RTF1: variants seen among roughly 807,000 people sequenced by gnomAD.
RTF1 encodes the protein RNA polymerase-associated protein RTF1 homolog.
A neutral mutation model predicts 95.7 loss-of-function variants in RTF1; 10 were observed. The observed-to-expected ratio is 0.10, with a 90% CI of 0.06 to 0.18. The LOEUF (loss-of-function observed/expected upper bound fraction) is 0.18, where lower values mean the gene tolerates loss of function less well. Among genes scored for constraint, RTF1 ranks in the 10% least tolerant of loss-of-function variants. The pLI is 1.00. For missense variants in RTF1, 458 were observed against 875.6 expected (o/e 0.52, Z 6.02); for synonymous variants, 305 against 311.8 (o/e 0.98, Z 0.23).
intron 4 of RTF1, among the ~76,000 whole-genome samples, chr15:41,460,801 C>T (rs943907883): frequency 6.6e-6 from 1 of 151,956 alleles, no homozygotes; most frequent in African/African-American, 2.4e-5. Flanking sequence ...TCAAGCCAGC[C>T]TCCCACCTCA....
intron 16 of RTF1, 26 bp from the exon 17 acceptor site, chr15:41,480,188 C>T (rs1306098972): frequency 7.0e-7 from 1 of 1,422,146 alleles, no homozygotes; most frequent in South Asian, 1.1e-5. Flanking sequence ...ATGCTCTTAC[C>T]ATTAGCTTTC....
chr15:41,446,994 G>C (rs1176122383), intron 2 of RTF1, among the ~76,000 whole-genome samples: 2 of 151,940 alleles, frequency 1.3e-5, no homozygotes, highest in African/African-American at 4.8e-5. Flanking sequence ...GTAGAGTCAG[G>C]GTTTCACCAT....
intron 1 of RTF1, among the ~76,000 whole-genome samples, chr15:41,423,100 T>C (rs1339133757): frequency 2.0e-5 from 3 of 152,098 alleles, no homozygotes; most frequent in African/African-American, 7.2e-5. Context: ...TAGGAGCTGT[T>C]TTTAGATACT....
chr15:41,470,794 G>A (rs1340610791), intron 7 of RTF1, among the ~76,000 whole-genome samples: 6 of 151,292 alleles, frequency 4.0e-5, no homozygotes, highest in Admixed American at 2.0e-4. Flanking sequence ...AAGTAGCTGG[G>A]ACTATAGGCG....
chr15:41,453,102 A>T (rs1203143709), intron 3 of RTF1, 54 bp downstream of exon 3: 5 of 1,463,170 alleles, frequency 3.4e-6, no homozygotes, highest in Non-Finnish European at 4.5e-6. Context: ...GTCAGCTTGA[A>T]GGTGCAAAGG....
At chr15:41,440,148 G>C (rs2050725164) in intron 2 of RTF1, 1 of 151,596 alleles carries the variant, frequency 6.6e-6, no homozygotes, top group Non-Finnish European at 1.5e-5. Context: ...GTGCATATTG[G>C]AGTGATTGCC....
chr15:41,426,488 G>C (rs776113122), intron 1 of RTF1, among the ~76,000 whole-genome samples: 8 of 151,696 alleles, frequency 5.3e-5, no homozygotes, highest in Non-Finnish European at 1.0e-4. Flanking sequence ...TGTATTTTTA[G>C]TAGAGACAGG....
chr15:41,431,701 A>G (rs766205787), intron 1 of RTF1, among the ~76,000 whole-genome samples: 13 of 151,606 alleles, frequency 8.6e-5, no homozygotes, highest in Non-Finnish European at 1.9e-4. Context: ...GTTTCACCAC[A>G]TTGCCCAGAC....
chr15:41,419,225 A>G (rs2050588462), intron 1 of RTF1, among the ~76,000 whole-genome samples: 1 of 152,214 alleles, frequency 6.6e-6, no homozygotes, highest in African/African-American at 2.4e-5. Flanking sequence ...CTGTCTTTTC[A>G]TCTACAAATG....
chr15:41,467,446 G>C (rs2050886125), intron 6 of RTF1, among the ~76,000 whole-genome samples: 2 of 152,178 alleles, frequency 1.3e-5, no homozygotes, highest in Admixed American at 6.5e-5. Flanking sequence ...CGGTCGTGGT[G>C]CCTCACAATT....
In RTF1 at chr15:41,481,151, G is replaced by A. The variant is rs71472485; in HGVS notation, c.*464G>A. 424 of 149,590 alleles carry A rather than the reference G, an allele frequency of 2.8e-3. 4 individuals are homozygous for A. The highest frequency in any genetic ancestry group is 3.7e-3 in the Admixed American group (55 of 14,834). 9.3% of individuals were successfully genotyped at this position (149,590 alleles called of 1,614,324 possible). Reference sequence around the variant, plus strand: ...GGGGGAGCGGGGATTGGGCACCTGCGATCCTCTTTCCTCTCTTCATCTTTC... The same window carrying A: ...GGGGGAGCGGGGATTGGGCACCTGCAATCCTCTTTCCTCTCTTCATCTTTC... On this transcript the variant is annotated 3_prime_UTR_variant, in exon 18 of 18. Coordinates refer to ENST00000389629, the MANE Select transcript of RTF1 (RefSeq NM_015138.5).
intron 11 of RTF1, among the ~76,000 whole-genome samples, chr15:41,476,071 AAG>A (rs2140656192): frequency 6.6e-6 from 1 of 152,320 alleles, no homozygotes; most frequent in Non-Finnish European, 1.5e-5. Flanking sequence ...ACATACACTA[AAG>A]TGTATTTAGG....
Position 41,457,663 on chromosome 15 carries a change from T to G in RTF1, c.458-9T>G. The G allele has an allele frequency of 6.2e-7, 1 of 1,613,978 alleles. No homozygotes were observed. Among genetic ancestry groups the G allele is most frequent in the South Asian group, 1.1e-5 (1 of 91,074 alleles). On this transcript the variant is annotated splice_polypyrimidine_tract_variant and intron_variant, in intron 3 of 17. Coordinates refer to ENST00000389629, the MANE Select transcript of RTF1 (RefSeq NM_015138.5). The stretch of plus-strand genomic sequence containing the variant: ...ATAGTGTAATCTTGTGTTTGGGCCT[T>G]TGTTGCAGGTGAAGTGTCAGACTCT...
intron 7 of RTF1, among the ~76,000 whole-genome samples, chr15:41,470,780 T>G (rs900919163): frequency 6.9e-6 from 1 of 144,352 alleles, no homozygotes; most frequent in Admixed American, 7.2e-5. Context: ...TGCCTCAGCC[T>G]CCCAAGTAGC....
chr15:41,457,631 C>G (rs779060821), intron 3 of RTF1, 41 bp from the exon 4 acceptor site: 7 of 1,589,702 alleles, frequency 4.4e-6, no homozygotes, highest in Non-Finnish European at 6.0e-6. Context: ...GGCCTGTCTT[C>G]TGTAGCATAG....
intron 1 of RTF1, among the ~76,000 whole-genome samples, chr15:41,432,361 C>G (rs2050679354): frequency 6.6e-6 from 1 of 151,514 alleles, no homozygotes; most frequent in Admixed American, 6.6e-5. Context: ...CCACGCCTGG[C>G]TAATTTTTTG....
intron 16 of RTF1, among the ~76,000 whole-genome samples, chr15:41,479,791 A>AG (rs915369548): frequency 2.0e-5 from 3 of 146,546 alleles, no homozygotes; most frequent in African/African-American, 7.6e-5. Context: ...TGAACCTGGG[A>AG]GGGGGAGGTT....
At chr15:41,419,159 T>G (rs2050587814) in intron 1 of RTF1, among the ~76,000 whole-genome samples, 2 of 152,188 alleles carry the variant, frequency 1.3e-5, no homozygotes, top group Admixed American at 1.3e-4. Flanking sequence ...ACTGTAAAAG[T>G]TTGATTGGTA....
chr15:41,443,317 A>G (rs2050744971), intron 2 of RTF1, among the ~76,000 whole-genome samples: 1 of 152,222 alleles, frequency 6.6e-6, no homozygotes, highest in African/African-American at 2.4e-5. Context: ...AAACACCAAC[A>G]TTTAATGACA....
Sources: gnomAD v4.1 joint callset for allele counts (sites outside exome capture counted in the v4.1 genomes callset) on GRCh38, gnomAD v4.1.1 for gene constraint, MANE v1.5 for transcripts, NCBI Gene and HGNC (gene_info 2026-07-23, HGNC 2026-07-21) for gene names.